The following PCDHGA2 variants were observed in gnomAD, a reference collection of about 807,000 sequenced individuals.
PCDHGA2 encodes protocadherin gamma subfamily A, 2, also known as protocadherin gamma-A2.
A neutral mutation model predicts 59.2 loss-of-function variants in PCDHGA2; 40 were observed. The ratio of observed to expected loss-of-function variants is 0.68; its 90% CI spans 0.52 to 0.88. The LOEUF (loss-of-function observed/expected upper bound fraction) is 0.88. Among genes scored for constraint, PCDHGA2 ranks in the 40% least tolerant of loss-of-function variants. The pLI is 0.00. For synonymous variants in PCDHGA2, 560 were observed against 526.0 expected (o/e 1.06, Z -0.89); for missense variants, 1,226 against 1,204.0 (o/e 1.02, Z -0.27).
chr5:141,390,173 T>C (rs1212038164), intron 1 of PCDHGA2: 1 of 1,613,616 alleles, frequency 6.2e-7, no homozygotes. Flanking sequence ...CGGAGTTTAA[T>C]TTCCTAAAAT....
chr5:141,346,061 C>G (rs2149739460), intron 1 of PCDHGA2: 1 of 1,613,600 alleles, frequency 6.2e-7, no homozygotes, highest in Non-Finnish European at 8.5e-7. Context: ...CCGACCTGGG[C>G]AGCCTCGAGC....
In PCDHGA2 at chr5:141,341,147, C is replaced by T. The variant is rs1456129001; in HGVS notation, c.2176C>T (p.Gln726Ter). Residue 726 changes from glutamine (Q) to a stop codon, truncating the protein, a stop_gained, in exon 1 of 4, where the codon CAG (glutamine) becomes TAG (stop). Coordinates refer to ENST00000394576, the MANE Select transcript of PCDHGA2 (RefSeq NM_018915.4). LOFTEE classifies it high-confidence loss of function. ...LRRWHKSRLLQASGGSLTGMQ... is the reference protein window; with the variant it reads ...LRRWHKSRLL Reference sequence around the variant, plus strand: ...GCGCTGGCACAAGTCACGCCTGCTGCAGGCTTCAGGAGGCAGCTTGACAGG... The same window carrying T: ...GCGCTGGCACAAGTCACGCCTGCTGTAGGCTTCAGGAGGCAGCTTGACAGG... 1 of 1,614,240 alleles carries T rather than the reference C, an allele frequency of 6.2e-7. No individual in the cohort carries two copies. The highest frequency in any genetic ancestry group is 8.5e-7 in the Non-Finnish European group (1 of 1,180,046).
chr5:141,476,236 AAG>A lies in PCDHGA2; in HGVS notation c.2425-18565_2425-18564del. ...TCATTCACTATGAGATCCCGGAGGA[AAG>A]AGAGAAGGGTTTCGCTGTGGGCAAC... is the stretch of plus-strand genomic sequence containing the variant. On this transcript the variant is annotated intron_variant, in intron 1 of 3. Transcript: ENST00000394576. The surrounding 1 kb of genome is among the most constrained non-coding windows in gnomAD (Gnocchi z 7.6). 2.5e-6 allele frequency: 4 copies of A among 1,613,980 alleles called. No individual in the cohort carries two copies. Among genetic ancestry groups the A allele is most frequent in the Non-Finnish European group, 3.4e-6 (4 of 1,180,004 alleles).
At chr5:141,427,249 G>A (rs1417336994) in intron 1 of PCDHGA2, 1 of 456,742 alleles carries the variant, frequency 2.2e-6, no homozygotes, top group African/African-American at 2.0e-5. Context: ...GCTAAGGATG[G>A]TGGAGGCATG....
rs767715715 is a variant in PCDHGA2 at position 141,352,019 on chromosome 5, G to T, written c.2424+10624G>T. 7.5e-5 allele frequency: 121 copies of T among 1,609,570 alleles called. No homozygotes were observed. The highest frequency in any genetic ancestry group is 9.8e-5 in the Non-Finnish European group (115 of 1,179,182). ...AGAGCCCGGCTACCTGGTGACCAAGGTGGTGGCGGTGGACGCAGACTCAGG... is the reference window on the plus strand; with the variant it reads ...AGAGCCCGGCTACCTGGTGACCAAGTTGGTGGCGGTGGACGCAGACTCAGG... On this transcript the variant is annotated intron_variant, in intron 1 of 3. Transcript: ENST00000394576.
chr5:141,448,814 G>A (rs967588194), intron 1 of PCDHGA2, among the ~76,000 whole-genome samples: 14 of 152,122 alleles, frequency 9.2e-5, no homozygotes, highest in Non-Finnish European at 1.8e-4. Flanking sequence ...GCGTGATGGC[G>A]GGCGCCTGTA....
intron 1 of PCDHGA2, chr5:141,478,694 T>G: frequency 1.3e-6 from 2 of 1,550,598 alleles, no homozygotes; most frequent in Non-Finnish European, 1.7e-6. Context: ...TAGATCAAAG[T>G]TAGTGCCTTT....
Position 141,339,726 on chromosome 5 carries a change from C to A in PCDHGA2, c.755C>A (p.Pro252Gln). 6.2e-7 allele frequency: 1 copy of A among 1,614,112 alleles called. No homozygotes were observed. The highest frequency in any genetic ancestry group is 8.5e-7 in the Non-Finnish European group (1 of 1,180,000). Residue 252 changes from proline (P) to glutamine (Q), a missense_variant, in exon 1 of 4, where the codon CCG becomes CAG. Coordinates refer to ENST00000394576, the MANE Select transcript of PCDHGA2 (RefSeq NM_018915.4). ...FTQPEYRISI[P>Q]ENTLVGTRIL... ...CAGCCCGAGTACCGCATAAGCATTC[C>A]GGAGAATACGCTCGTGGGCACCCGG...
At chr5:141,413,873 G>A (rs544856148) in intron 1 of PCDHGA2, 4 of 1,613,372 alleles carry the variant, frequency 2.5e-6, no homozygotes, top group Admixed American at 1.7e-5. Context: ...GTCCTTGTCA[G>A]TGTGACTGTC....
At chr5:141,415,043 T>G in intron 1 of PCDHGA2, 2 of 1,613,396 alleles carry the variant, frequency 1.2e-6, no homozygotes, top group Non-Finnish European at 1.7e-6. Flanking sequence ...CTCTTCGCGG[T>G]GGGGGAGCAC....
intron 1 of PCDHGA2, chr5:141,357,368 G>C: frequency 1.2e-6 from 2 of 1,614,156 alleles, no homozygotes; most frequent in Non-Finnish European, 1.7e-6. Flanking sequence ...CACAAGTCAC[G>C]CCTGCTTCAC....
At chr5:141,433,358 C>CCTAA (rs1554125965) in intron 1 of PCDHGA2, 1 of 503,368 alleles carries the variant, frequency 2.0e-6, no homozygotes, top group Non-Finnish European at 3.5e-6. Flanking sequence ...CTACTGTCTG[C>CCTAA]CTATCTATCT....
intron 1 of PCDHGA2, chr5:141,468,381 G>A (rs1297428363): frequency 2.0e-5 from 3 of 149,754 alleles, no homozygotes; most frequent in South Asian, 2.1e-4. Flanking sequence ...AGCCATACAA[G>A]GCTACCCATT....
intron 1 of PCDHGA2, chr5:141,421,800 G>T (rs995129799): frequency 1.2e-6 from 2 of 1,613,728 alleles, no homozygotes. Flanking sequence ...ATGGGGCCAA[G>T]AATCCAGAGC....
At chr5:141,350,931 A>G (rs1243075906) in intron 1 of PCDHGA2, 3 of 1,614,088 alleles carry the variant, frequency 1.9e-6, no homozygotes, top group South Asian at 1.1e-5. Flanking sequence ...GGCACCACCC[A>G]TATCTGGATC....
chr5:141,365,402 G>A (rs1437859206), intron 1 of PCDHGA2: 2 of 1,613,998 alleles, frequency 1.2e-6, no homozygotes, highest in South Asian at 2.2e-5. Context: ...TTCGATCTCT[G>A]AAGACTGTCT....
At chr5:141,445,254 AAT>A (rs1214840265) in intron 1 of PCDHGA2, among the ~76,000 whole-genome samples, 49 of 152,350 alleles carry the variant, frequency 3.2e-4, no homozygotes, top group Non-Finnish European at 5.9e-5. Context: ...ATTGTGTGAG[AAT>A]ATAAGTCGAA....
intron 1 of PCDHGA2, chr5:141,343,975 T>C: frequency 1.4e-6 from 2 of 1,396,158 alleles, no homozygotes; most frequent in Middle Eastern, 2.0e-4. Flanking sequence ...AAAATAAGAT[T>C]GGAGTCCGTC....
intron 1 of PCDHGA2, chr5:141,351,527 A>C: frequency 1.2e-6 from 2 of 1,614,026 alleles, no homozygotes; most frequent in Non-Finnish European, 1.7e-6. Context: ...AGCCACCGAC[A>C]AGGGCAAACC....
Sources: allele counts gnomAD v4.1 joint callset (sites outside exome capture counted in the v4.1 genomes callset), GRCh38; gene constraint gnomAD v4.1.1; non-coding constraint Gnocchi (gnomAD v3.1); transcripts MANE v1.5; gene names NCBI Gene and HGNC (gene_info 2026-07-23, HGNC 2026-07-21).